The following CDK5RAP2 variants were observed in gnomAD, a reference collection of about 807,000 sequenced individuals.
CDK5RAP2 encodes CDK5 regulatory subunit associated protein 2.
Under a neutral mutation model 232.9 loss-of-function variants are expected in CDK5RAP2, and 147 were observed. The observed-to-expected ratio is 0.63, with a 90% CI of 0.55 to 0.72. CDK5RAP2 has a LOEUF of 0.72. Ranked by LOEUF, CDK5RAP2 falls within the 30% of genes least tolerant of loss-of-function variation. CDK5RAP2 has a pLI of 0.00. For synonymous variants in CDK5RAP2, 833 were observed against 833.7 expected (o/e 1.00, Z 0.01); for missense variants, 2,195 against 2,231.5 (o/e 0.98, Z 0.33).
At chr9:120,556,018 C>T (rs1329431670) in intron 3 of CDK5RAP2, among the ~76,000 whole-genome samples, 1 of 151,986 alleles carries the variant, frequency 6.6e-6, no homozygotes, top group African/African-American at 2.4e-5. Flanking sequence ...CATTAGTTGC[C>T]ACAGGCTTGG....
In CDK5RAP2 at chr9:120,571,974, G is replaced by A. The variant is rs1564392327; in HGVS notation, c.127C>T (p.Leu43=). ...INPNAGLGNG[L]LPNVSEETVS... is the part of the protein sequence containing the mutation. ...AGAATGCCTGGTTTTGTGTACTTACGACCATTTCCCAACCCAGCATTGGGG... is the reference window on the plus strand; with the variant it reads ...AGAATGCCTGGTTTTGTGTACTTACAACCATTTCCCAACCCAGCATTGGGG... The change falls in exon 2 of 38, where the codon CTG becomes TTG. Residue 43 remains leucine, a splice_region_variant and synonymous_variant. Transcript: ENST00000349780. 1.2e-6 allele frequency: 2 copies of A among 1,612,144 alleles called. No individual in the cohort carries two copies. The highest frequency in any genetic ancestry group is 1.3e-5 in the African/African-American group (1 of 74,850).
intron 6 of CDK5RAP2, 88 bp from the exon 7 acceptor site, chr9:120,536,614 A>G: frequency 8.0e-7 from 1 of 1,254,342 alleles, no homozygotes; most frequent in Non-Finnish European, 1.1e-6. Context: ...ATAAATATTT[A>G]TGACTTCTTC....
chr9:120,462,983 A>C (rs917211878), intron 18 of CDK5RAP2, among the ~76,000 whole-genome samples: 6 of 152,210 alleles, frequency 3.9e-5, no homozygotes, highest in African/African-American at 1.2e-4. Context: ...GGAAATGTGA[A>C]TAGAACCTAG....
At chr9:120,410,935 A>T (rs1237800645) in intron 29 of CDK5RAP2, among the ~76,000 whole-genome samples, 2 of 152,262 alleles carry the variant, frequency 1.3e-5, no homozygotes, top group Non-Finnish European at 2.9e-5. Flanking sequence ...CTTTATAAGA[A>T]GTACAGGATA....
chr9:120,442,662 A>T (rs1443205555), intron 23 of CDK5RAP2, among the ~76,000 whole-genome samples: 1 of 152,234 alleles, frequency 6.6e-6, no homozygotes, highest in Non-Finnish European at 1.5e-5. Context: ...CCATTTATGA[A>T]TATTTGCATT....
At chr9:120,506,216 G>A (rs759080955) in intron 12 of CDK5RAP2, among the ~76,000 whole-genome samples, 1 of 152,102 alleles carries the variant, frequency 6.6e-6, no homozygotes, top group Non-Finnish European at 1.5e-5. Flanking sequence ...CTCTATCTGT[G>A]CTCTACAATG....
chr9:120,437,615 C>T (rs1437030256), intron 24 of CDK5RAP2, 88 bp from the exon 25 acceptor site: 4 of 972,192 alleles, frequency 4.1e-6, no homozygotes, highest in Admixed American at 3.5e-5. Flanking sequence ...TGACAGAGTA[C>T]AATTTTTAAA....
At chr9:120,512,330 C>CA (rs753733626) in intron 12 of CDK5RAP2, among the ~76,000 whole-genome samples, 2 of 152,190 alleles carry the variant, frequency 1.3e-5, no homozygotes, top group Non-Finnish European at 2.9e-5. Flanking sequence ...GCCTGAGTGA[C>CA]AGAGTGAGAC....
chr9:120,449,067 T>C (rs2036352582), intron 21 of CDK5RAP2, among the ~76,000 whole-genome samples: 1 of 152,230 alleles, frequency 6.6e-6, no homozygotes, highest in South Asian at 2.1e-4. Context: ...TCAACATCCA[T>C]ACCACAGCCT....
In CDK5RAP2 at chr9:120,437,298, T is replaced by C. The variant is rs1200503132; in HGVS notation, c.3952A>G (p.Asn1318Asp). Residue 1318 changes from asparagine (N) to aspartate (D), a missense_variant, in exon 25 of 38, where the codon AAC (asparagine) becomes GAC (aspartate). By Grantham distance (23) the Asn-to-Asp change is conservative (BLOSUM62 1). Transcript: ENST00000349780. ...TCGCGTACCTCACCCTACCTACCGT[T>C]GAGAAATAGCTTTTCCAATTTCTCC... ...LLEKLEKLFL[N>D]GKSVGVEMNT... is the part of the protein sequence containing the mutation. The C allele has an allele frequency of 1.2e-6, 2 of 1,609,472 alleles. No individual in the cohort carries two copies.
At chr9:120,476,079 T>TG (rs2037992465) in intron 15 of CDK5RAP2, among the ~76,000 whole-genome samples, 1 of 151,726 alleles carries the variant, frequency 6.6e-6, no homozygotes, top group Non-Finnish European at 1.5e-5. Flanking sequence ...GAAACACAGG[T>TG]GAAGGTACAG....
intron 3 of CDK5RAP2, among the ~76,000 whole-genome samples, chr9:120,552,307 T>C (rs2042071843): frequency 6.6e-6 from 1 of 151,878 alleles, no homozygotes; most frequent in Non-Finnish European, 1.5e-5. Flanking sequence ...GATCTAGAAC[T>C]AGAAATACCA....
intron 15 of CDK5RAP2, among the ~76,000 whole-genome samples, chr9:120,474,845 T>C (rs993522325): frequency 2.0e-5 from 3 of 152,216 alleles, no homozygotes; most frequent in Admixed American, 2.0e-4. Flanking sequence ...ACCTTTCCTG[T>C]CAATTTCCAG....
chr9:120,453,051 CT>C, intron 21 of CDK5RAP2, among the ~76,000 whole-genome samples: 1 of 152,258 alleles, frequency 6.6e-6, no homozygotes, highest in East Asian at 1.9e-4. Flanking sequence ...ACAATGAAAA[CT>C]GTATAAATTT....
chr9:120,455,378 A>T (rs980542341), intron 20 of CDK5RAP2, among the ~76,000 whole-genome samples: 1 of 151,684 alleles, frequency 6.6e-6, no homozygotes, highest in Admixed American at 6.6e-5. Context: ...GTTAAAAAAA[A>T]AAAAAAAAAA....
chr9:120,453,684 G>A lies in CDK5RAP2; in HGVS notation c.2565C>T (p.Ala855=), dbSNP rs1427902025. 12 of 1,614,032 alleles carry A rather than the reference G, an allele frequency of 7.4e-6. No homozygotes were observed. The highest frequency in any genetic ancestry group is 9.3e-6 in the Non-Finnish European group (11 of 1,180,040). The part of the protein sequence containing the change: ...PHDELKLSCE[A]QLVKAGEVPK... Reference sequence around the variant, plus strand: ...GCACTTCGCCTGCCTTTACTAGCTGGGCCTCACAAGACAACTTCAGTTCAT... The same window carrying A: ...GCACTTCGCCTGCCTTTACTAGCTGAGCCTCACAAGACAACTTCAGTTCAT... The change falls in exon 21 of 38, where the codon GCC becomes GCT. Residue 855 remains alanine (A), a synonymous_variant. Transcript: ENST00000349780.
intron 37 of CDK5RAP2, 33 bp downstream of exon 37, chr9:120,389,708 C>T (rs773745703): frequency 6.2e-7 from 1 of 1,609,110 alleles, no homozygotes; most frequent in East Asian, 2.2e-5. Context: ...TGACCTTCCA[C>T]TGGCCTGCAG....
At chr9:120,407,856 C>A in intron 31 of CDK5RAP2, 1 of 249,146 alleles carries the variant, frequency 4.0e-6, no homozygotes, top group Admixed American at 5.0e-5. Context: ...ATGCCCAGCA[C>A]GTGAGAGGTG....
rs569707197 is a variant in CDK5RAP2 at position 120,576,717 on chromosome 9, A to C, written c.59+3203T>G. On this transcript the variant is annotated intron_variant, in intron 1 of 37. Coordinates refer to ENST00000349780, the MANE Select transcript of CDK5RAP2 (RefSeq NM_018249.6). ...ACTCTGTCTCAACGACAAAAAAAAA[A>C]AGACCACAATGAGATACCTACCATG... Among the ~76,000 whole-genome samples, 4 of 152,192 alleles carry C rather than the reference A, an allele frequency of 2.6e-5. No individual in the cohort carries two copies. In the East Asian group the frequency reaches 7.7e-4, roughly 29 times the overall value.
Sources: gnomAD v4.1 joint callset for allele counts (sites outside exome capture counted in the v4.1 genomes callset) on GRCh38, gnomAD v4.1.1 for gene constraint, MANE v1.5 for transcripts, NCBI Gene and HGNC (gene_info 2026-07-23, HGNC 2026-07-21) for gene names.